Variants in DLG2 observed in about 807,000 individuals in gnomAD.
DLG2 encodes the protein discs large MAGUK scaffold protein 2.
Under a neutral mutation model 132.5 loss-of-function variants are expected in DLG2, and 45 were observed. The observed-to-expected ratio is 0.34, with a 90% CI of 0.27 to 0.44. The LOEUF (loss-of-function observed/expected upper bound fraction) is 0.44. DLG2 is among the 20% of genes least tolerant of loss of function. The probability of loss-of-function intolerance (pLI) is 1.00; values close to 1 mark genes in which losing one functional copy is unlikely to be tolerated. For synonymous variants in DLG2, 424 were observed against 419.6 expected (o/e 1.01, Z -0.13); for missense variants, 1,045 against 1,196.9 (o/e 0.87, Z 1.87).
chr11:83,985,992 T>C, intron 11 of DLG2, among the ~76,000 whole-genome samples: 1 of 152,118 alleles, frequency 6.6e-6, no homozygotes, highest in Non-Finnish European at 1.5e-5. Context: ...CATTCCTTTT[T>C]CTCCACAACC....
At chr11:84,669,502 T>G (rs764071471) in intron 6 of DLG2, among the ~76,000 whole-genome samples, 1 of 152,308 alleles carries the variant, frequency 6.6e-6, no homozygotes, top group Non-Finnish European at 1.5e-5. Context: ...TATATTTACT[T>G]ATTTACTAAT....
intron 18 of DLG2, among the ~76,000 whole-genome samples, chr11:83,669,916 G>A (rs894195451): frequency 1.3e-5 from 2 of 152,216 alleles, no homozygotes; most frequent in Non-Finnish European, 2.9e-5. Flanking sequence ...ATGGATTTAA[G>A]AGGGAAAGAT....
intron 7 of DLG2, among the ~76,000 whole-genome samples, chr11:84,294,539 A>C (rs1369199825): frequency 6.6e-6 from 1 of 152,238 alleles, no homozygotes; most frequent in East Asian, 1.9e-4. Context: ...TGAAGGTTGC[A>C]GTGAGCCGAG....
At chr11:84,932,574 T>C (rs997249808) in intron 6 of DLG2, among the ~76,000 whole-genome samples, 1 of 152,100 alleles carries the variant, frequency 6.6e-6, no homozygotes, top group East Asian at 1.9e-4. Context: ...CCTGTTCTCA[T>C]TGTTCAGCTC....
chr11:84,966,987 G>C (rs1012269015), intron 6 of DLG2, among the ~76,000 whole-genome samples: 1 of 152,078 alleles, frequency 6.6e-6, no homozygotes, highest in African/African-American at 2.4e-5. Flanking sequence ...GGTCTGGGAT[G>C]CAATAACTCT....
intron 7 of DLG2, among the ~76,000 whole-genome samples, chr11:84,392,141 A>G (rs2098794694): frequency 6.6e-6 from 1 of 152,134 alleles, no homozygotes; most frequent in African/African-American, 2.4e-5. Context: ...GCTTTCCTTT[A>G]CACCTTAAAT....
At chr11:84,000,418 G>A (rs2094284922) in intron 11 of DLG2, among the ~76,000 whole-genome samples, 1 of 151,998 alleles carries the variant, frequency 6.6e-6, no homozygotes, top group Non-Finnish European at 1.5e-5. Flanking sequence ...CTCAGAAGAT[G>A]AAGAAAGGAT....
At chr11:84,076,871 T>C (rs1566370328) in intron 10 of DLG2, among the ~76,000 whole-genome samples, 2 of 152,202 alleles carry the variant, frequency 1.3e-5, no homozygotes, top group Non-Finnish European at 2.9e-5. Flanking sequence ...AACAAAGCCA[T>C]GTGATGTGAA....
At chr11:85,048,683 C>T (rs1203923265) in intron 6 of DLG2, among the ~76,000 whole-genome samples, 4 of 151,806 alleles carry the variant, frequency 2.6e-5, no homozygotes, top group Non-Finnish European at 5.9e-5. Flanking sequence ...AAAATAGAGT[C>T]GGGACAATGT....
chr11:84,386,222 T>C (rs2098769567), intron 7 of DLG2, among the ~76,000 whole-genome samples: 1 of 152,046 alleles, frequency 6.6e-6, no homozygotes, highest in Non-Finnish European at 1.5e-5. Context: ...AGGGTGTCTC[T>C]TTACCCTTAT....
intron 19 of DLG2, among the ~76,000 whole-genome samples, chr11:83,610,671 G>A (rs1252512640): frequency 6.6e-6 from 1 of 151,922 alleles, no homozygotes; most frequent in Non-Finnish European, 1.5e-5. Flanking sequence ...ACTATGCAAT[G>A]AGGTAATAAT....
intron 10 of DLG2, among the ~76,000 whole-genome samples, chr11:84,090,661 T>G (rs1446990113): frequency 6.6e-6 from 1 of 152,112 alleles, no homozygotes; most frequent in African/African-American, 2.4e-5. Flanking sequence ...TCCAACATTG[T>G]TGGTAAAAGT....
intron 6 of DLG2, among the ~76,000 whole-genome samples, chr11:84,983,309 C>T (rs150203091): frequency 3.0e-4 from 46 of 152,290 alleles, no homozygotes; most frequent in African/African-American, 1.1e-3. Context: ...CGGTTCACAT[C>T]ACAGGACTCT....
intron 3 of DLG2, among the ~76,000 whole-genome samples, chr11:85,512,674 T>C (rs980699052): frequency 1.3e-4 from 20 of 152,090 alleles, no homozygotes; most frequent in African/African-American, 4.6e-4. Flanking sequence ...AACTTTTTAA[T>C]AAAAAGTCAA....
At chr11:83,623,741 C>T (rs933521507) in intron 19 of DLG2, among the ~76,000 whole-genome samples, 1 of 152,242 alleles carries the variant, frequency 6.6e-6, no homozygotes, top group Non-Finnish European at 1.5e-5. Flanking sequence ...TGTTCAAACA[C>T]TGAGACTTAA....
chr11:83,664,595 T>C (rs769236087), intron 18 of DLG2, among the ~76,000 whole-genome samples: 1 of 152,118 alleles, frequency 6.6e-6, no homozygotes, highest in South Asian at 2.1e-4. Context: ...GAAACCACAC[T>C]TGACTTCAGA....
chr11:85,245,744 C>T (rs1364366461), intron 4 of DLG2, among the ~76,000 whole-genome samples: 1 of 151,948 alleles, frequency 6.6e-6, no homozygotes, highest in Non-Finnish European at 1.5e-5. Flanking sequence ...TGATCTGGCC[C>T]TCCATTCCCT....
At chr11:84,808,705 T>C (rs73514935) in intron 6 of DLG2, among the ~76,000 whole-genome samples, 2,488 of 152,014 alleles carry the variant, frequency 0.016, 72 homozygotes, top group African/African-American at 0.057. Context: ...ACAACTTAGA[T>C]AAAATGTACC....
At chr11:83,485,308 G>A (rs970720136) in intron 21 of DLG2, among the ~76,000 whole-genome samples, 6 of 152,226 alleles carry the variant, frequency 3.9e-5, no homozygotes, top group South Asian at 2.1e-4. Flanking sequence ...CACTGCTGCT[G>A]TTCTTATGCA....
Sources: gnomAD v4.1 joint callset for allele counts (sites outside exome capture counted in the v4.1 genomes callset) on GRCh38, gnomAD v4.1.1 for gene constraint, MANE v1.5 for transcripts, NCBI Gene and HGNC (gene_info 2026-07-23, HGNC 2026-07-21) for gene names.